Variants in SYN3 observed in about 807,000 individuals in gnomAD.
SYN3 encodes synapsin-3.
In SYN3, 35 loss-of-function variants were observed where a neutral mutation model predicts 65.8. The ratio of observed to expected loss-of-function variants is 0.53; its 90% CI spans 0.41 to 0.70. The LOEUF (loss-of-function observed/expected upper bound fraction) is 0.70, where lower values mean the gene tolerates loss of function less well. Ranked by LOEUF, SYN3 falls within the 30% of genes least tolerant of loss-of-function variation. SYN3 has a pLI of 0.00. For synonymous variants in SYN3, 270 were observed against 292.9 expected, an observed-to-expected ratio of 0.92 and a Z score of 0.80; for missense variants, 680 against 749.0, an observed-to-expected ratio of 0.91 and a Z score of 1.08.
chr22:32,571,575 C>T (rs764979940), intron 7 of SYN3, among the ~76,000 whole-genome samples: 4 of 152,194 alleles, frequency 2.6e-5, no homozygotes, highest in African/African-American at 4.8e-5. Context: ...CAACCCTTGA[C>T]CTATGGCGAT....
chr22:32,998,776 T>TAAAAAAAAAAAAAAAAAA lies in SYN3; in HGVS notation c.311+7558_311+7575dup, dbSNP rs34372968. Among the ~76,000 whole-genome samples, 3 of 82,006 alleles carry TAAAAAAAAAAAAAAAAAA rather than the reference T, an allele frequency of 3.7e-5. 1 individual carries two copies. The highest frequency in any genetic ancestry group is 1.5e-4 in the African/African-American group (3 of 20,362). The allele number at this position is 82,006 out of a possible 152,430, so 53.8% of individuals were successfully genotyped here. A position where few individuals can be genotyped will look rare whatever the true frequency, so the allele number is the denominator to read the frequency against. ...ATTCTGGTACATTCTATAGAAATAGTAAAAAAAAAAAAAAAAAAAAAAACA... is the reference window on the plus strand; with the variant it reads ...ATTCTGGTACATTCTATAGAAATAGTAAAAAAAAAAAAAAAAAAAAAAAAAAAAAAAAAAAAAAAAACA... On this transcript the variant is annotated intron_variant, in intron 2 of 13. Coordinates refer to ENST00000358763, the MANE Select transcript of SYN3 (RefSeq NM_003490.4).
chr22:32,676,528 C>CTTTTTTTTTTTTTTTTTTTTTTTTT (rs879196572), intron 6 of SYN3, among the ~76,000 whole-genome samples: 11 of 88,932 alleles, frequency 1.2e-4, no homozygotes, highest in Non-Finnish European at 1.4e-4. Flanking sequence ...TCTTTTCTTT[C>CTTTTTTTTTTTTTTTTTTTTTTTTT]TTTTTTTTTT....
At chr22:32,825,953 G>A (rs130293) in intron 6 of SYN3, among the ~76,000 whole-genome samples, 140,483 of 152,236 alleles carry the variant, frequency 0.92, 64,904 homozygotes, top group Middle Eastern at 0.95. Flanking sequence ...AGCAGGGGAC[G>A]TATCCACAAG....
chr22:32,734,285 T>C (rs2061308527), intron 6 of SYN3, among the ~76,000 whole-genome samples: 1 of 152,200 alleles, frequency 6.6e-6, no homozygotes, highest in East Asian at 1.9e-4. Flanking sequence ...GTTCTTAGCC[T>C]ATGGGGCCAA....
intron 3 of SYN3, among the ~76,000 whole-genome samples, chr22:32,967,856 G>A (rs1287610045): frequency 6.6e-6 from 1 of 152,220 alleles, no homozygotes; most frequent in Non-Finnish European, 1.5e-5. Flanking sequence ...GACCCCAAAT[G>A]GTACAGACAA....
At chr22:32,673,165 A>C (rs2060394940) in intron 6 of SYN3, among the ~76,000 whole-genome samples, 1 of 152,202 alleles carries the variant, frequency 6.6e-6, no homozygotes, top group African/African-American at 2.4e-5. Context: ...CTTGGGATTA[A>C]GGGTACGTAG....
chr22:32,940,363 T>G (rs1161447973), intron 3 of SYN3, among the ~76,000 whole-genome samples: 1 of 146,870 alleles, frequency 6.8e-6, no homozygotes, highest in Non-Finnish European at 1.5e-5. Flanking sequence ...CACACACATA[T>G]GTATATATGA....
At chr22:32,790,397 T>TA (rs1337324806) in intron 6 of SYN3, among the ~76,000 whole-genome samples, 3 of 135,842 alleles carry the variant, frequency 2.2e-5, no homozygotes, top group African/African-American at 8.1e-5. Context: ...ATTATATAAT[T>TA]AAATTAAACT....
In SYN3 at chr22:33,042,670, C is replaced by T. The variant is rs1432776113; in HGVS notation, c.-163+15622G>A. 2.0e-5 allele frequency among the ~76,000 whole-genome samples: 3 copies of T among 152,290 alleles called. No homozygotes were observed. In the East Asian group the frequency reaches 5.8e-4, roughly 29 times the overall value. On this transcript the variant is annotated intron_variant, in intron 1 of 13. Transcript: ENST00000358763. ...CCTGTCCCCAGCATGCTGCTGCACCCTACTTTATTAAAGAGGCAGCCAGGA... is the reference window on the plus strand; with the variant it reads ...CCTGTCCCCAGCATGCTGCTGCACCTTACTTTATTAAAGAGGCAGCCAGGA...
In SYN3 at chr22:32,837,913, C is replaced by G. The variant is rs1048965099; in HGVS notation, c.711+27002G>C. ...CCAATGGGCTGGACTCTCCAGCCTC[C>G]GGGCCTCTGCCCAACCATGACCAGA... is the stretch of plus-strand genomic sequence containing the variant. On this transcript the variant is annotated intron_variant, in intron 6 of 13. Transcript: ENST00000358763. This position sits in a 1 kb window ranked among gnomAD's most constrained non-coding sequence, Gnocchi z 4.1. Among the ~76,000 whole-genome samples the G allele has an allele frequency of 6.6e-6, 1 of 152,204 alleles. No individual in the cohort carries two copies. The highest frequency in any genetic ancestry group is 2.4e-5 in the African/African-American group (1 of 41,442).
chr22:32,698,744 A>C (rs947622838), intron 6 of SYN3, among the ~76,000 whole-genome samples: 3 of 152,250 alleles, frequency 2.0e-5, no homozygotes, highest in Non-Finnish European at 4.4e-5. Context: ...TATTGAAAGA[A>C]TTTTAGAGCA....
intron 6 of SYN3, among the ~76,000 whole-genome samples, chr22:32,687,186 G>A (rs1177754004): frequency 6.5e-5 from 4 of 61,632 alleles, no homozygotes; most frequent in South Asian, 8.1e-4. Flanking sequence ...TTTCTGAGAC[G>A]GAATTCTCGC....
Position 32,592,916 on chromosome 22 carries a change from T to G in SYN3, c.774+3758A>C, listed in dbSNP as rs12169116. Among the ~76,000 whole-genome samples, 4 of 152,186 alleles carry G rather than the reference T, an allele frequency of 2.6e-5. No individual in the cohort carries two copies. In the East Asian group the frequency reaches 5.8e-4, roughly 22 times the overall value. On this transcript the variant is annotated intron_variant, in intron 7 of 13. Transcript: ENST00000358763. Reference sequence around the variant, plus strand: ...AGTATAAAAGAACAAAGGAGTGAAGTATAATTTGGGATAGGCCAGCAATTG... The same window carrying G: ...AGTATAAAAGAACAAAGGAGTGAAGGATAATTTGGGATAGGCCAGCAATTG...
chr22:32,968,137 G>A (rs1294044140), intron 3 of SYN3, among the ~76,000 whole-genome samples: 1 of 152,204 alleles, frequency 6.6e-6, no homozygotes, highest in Non-Finnish European at 1.5e-5. Context: ...ATGTGGGTCT[G>A]ACTCCATCCT....
At chr22:32,906,321 A>G (rs951565632) in intron 4 of SYN3, among the ~76,000 whole-genome samples, 3 of 152,148 alleles carry the variant, frequency 2.0e-5, no homozygotes, top group Non-Finnish European at 4.4e-5. Context: ...GGGAACAGGA[A>G]CCTGCATTTA....
chr22:32,879,644 A>G (rs1027461608), intron 4 of SYN3, among the ~76,000 whole-genome samples: 2 of 152,192 alleles, frequency 1.3e-5, no homozygotes, highest in African/African-American at 4.8e-5. Flanking sequence ...CATCACATTG[A>G]AGGTTAGGAT....
chr22:32,904,976 C>T (rs2049862739), intron 4 of SYN3, among the ~76,000 whole-genome samples: 1 of 152,098 alleles, frequency 6.6e-6, no homozygotes, highest in Admixed American at 6.5e-5. Context: ...TCATTATGTG[C>T]TTTTGTGTTC....
intron 6 of SYN3, among the ~76,000 whole-genome samples, chr22:32,746,866 CAAGGAGGAAGG>C (rs1309133306): frequency 6.6e-6 from 1 of 152,156 alleles, no homozygotes; most frequent in Non-Finnish European, 1.5e-5. Flanking sequence ...CAGACATTTT[CAAGGAGGAAGG>C]GCTGGGGCCA....
In SYN3 at chr22:32,533,849, C is replaced by T. The variant is rs1417788409; in HGVS notation, c.1039G>A (p.Asp347Asn). Residue 347 changes from aspartate to asparagine, a missense_variant, in exon 10 of 14, where the codon GAC (aspartate) becomes AAC (asparagine). Asp to Asn is a conservative substitution (Grantham distance 23). Coordinates refer to ENST00000358763, the MANE Select transcript of SYN3 (RefSeq NM_003490.4). Reference protein sequence around the residue: ...DSCSEMFGGLDICAVKAVHSK... With the variant: ...DSCSEMFGGLNICAVKAVHSK... ...TGGACAGCCTTGACGGCACAGATGT[C>T]CAGGCCGCCAAACATTTCCGAGCAG... 1.2e-6 allele frequency: 2 copies of T among 1,613,994 alleles called. No homozygotes were observed. The highest frequency in any genetic ancestry group is 1.7e-5 in the Admixed American group (1 of 60,008).
Sources: gnomAD v4.1 joint callset for allele counts (sites outside exome capture counted in the v4.1 genomes callset) on GRCh38, gnomAD v4.1.1 for gene constraint, Gnocchi (gnomAD v3.1) non-coding constraint, MANE v1.5 for transcripts, NCBI Gene and HGNC (gene_info 2026-07-23, HGNC 2026-07-21) for gene names.